The following CCBE1 variants were observed in gnomAD, a reference collection of about 807,000 sequenced individuals.
CCBE1 encodes the protein collagen and calcium-binding EGF domain-containing protein 1.
Under a neutral mutation model 50.0 loss-of-function variants are expected in CCBE1, and 37 were observed. The observed-to-expected ratio is 0.74, with a 90% confidence interval of 0.57 to 0.97. The LOEUF is 0.97. Among genes scored for constraint, CCBE1 ranks in the 50% least tolerant of loss-of-function variants. CCBE1 has a pLI of 0.00. For missense variants in CCBE1, 538 were observed against 523.8 expected, an observed-to-expected ratio of 1.03 and a Z score of -0.26; for synonymous variants, 234 against 203.7, an observed-to-expected ratio of 1.15 and a Z score of -1.27.
chr18:59,677,964 T>C (rs1361193662), intron 2 of CCBE1, among the ~76,000 whole-genome samples: 1 of 152,184 alleles, frequency 6.6e-6, no homozygotes, highest in Non-Finnish European at 1.5e-5. Flanking sequence ...CAACCGGGCT[T>C]AGAGTCAATA....
At chr18:59,549,433 C>T (rs1915833311) in intron 2 of CCBE1, among the ~76,000 whole-genome samples, 1 of 152,240 alleles carries the variant, frequency 6.6e-6, no homozygotes, top group East Asian at 1.9e-4. Flanking sequence ...AACAGGTCCC[C>T]CAACGCCAAC....
chr18:59,630,238 G>A (rs569810963), intron 2 of CCBE1, among the ~76,000 whole-genome samples: 13 of 149,242 alleles, frequency 8.7e-5, no homozygotes, highest in African/African-American at 2.5e-4. Flanking sequence ...CTGGCAGGAG[G>A]AAGATAAATT....
chr18:59,489,323 C>T (rs778414861), intron 2 of CCBE1, among the ~76,000 whole-genome samples: 1 of 152,250 alleles, frequency 6.6e-6, no homozygotes, highest in Non-Finnish European at 1.5e-5. Flanking sequence ...TCAATGTCCT[C>T]AGCAGACACA....
At chr18:59,480,308 T>C in intron 2 of CCBE1, 70 bp from the exon 3 acceptor site, 1 of 1,201,540 alleles carries the variant, frequency 8.3e-7, no homozygotes, top group Non-Finnish European at 1.2e-6. Context: ...GTTATTGTTG[T>C]TTGAATGAAA....
chr18:59,634,530 G>T (rs1439080842), intron 2 of CCBE1, among the ~76,000 whole-genome samples: 1 of 152,092 alleles, frequency 6.6e-6, no homozygotes, highest in Non-Finnish European at 1.5e-5. Context: ...GTTAAATATG[G>T]GTTCCCAATA....
At chr18:59,653,680 T>C (rs771640165) in intron 2 of CCBE1, among the ~76,000 whole-genome samples, 1 of 152,116 alleles carries the variant, frequency 6.6e-6, no homozygotes, top group African/African-American at 2.4e-5. Context: ...TGCCTCCCAA[T>C]AGAGTTAAAA....
At chr18:59,510,798 G>T (rs191736086) in intron 2 of CCBE1, among the ~76,000 whole-genome samples, 2 of 152,242 alleles carry the variant, frequency 1.3e-5, no homozygotes, top group Admixed American at 6.5e-5. Context: ...ATTTTTTCCT[G>T]ATTATTGTAT....
In CCBE1 at chr18:59,452,329, A is replaced by G. The variant is rs537862723; in HGVS notation, c.654+2522T>C. On this transcript the variant is annotated intron_variant, in intron 6 of 10. Coordinates refer to ENST00000439986, the MANE Select transcript of CCBE1 (RefSeq NM_133459.4). Reference sequence around the variant, plus strand: ...ACTGACAGGCCAGGCACAGTGGCTCATGCCTGTAATCCCAGGCCTTTGGGA... The same window carrying G: ...ACTGACAGGCCAGGCACAGTGGCTCGTGCCTGTAATCCCAGGCCTTTGGGA... 4.6e-5 allele frequency among the ~76,000 whole-genome samples: 7 copies of G among 152,346 alleles called. No homozygotes were observed. In the South Asian group the frequency reaches 1.5e-3, roughly 32 times the overall value.
chr18:59,567,699 C>A (rs1406756725), intron 2 of CCBE1, among the ~76,000 whole-genome samples: 1 of 152,124 alleles, frequency 6.6e-6, no homozygotes, highest in Non-Finnish European at 1.5e-5. Context: ...CTACGTTCTG[C>A]CTAAAATTGT....
At chr18:59,592,899 G>C (rs1162179436) in intron 2 of CCBE1, among the ~76,000 whole-genome samples, 1 of 151,980 alleles carries the variant, frequency 6.6e-6, no homozygotes, top group Non-Finnish European at 1.5e-5. Flanking sequence ...CAAATTGTAA[G>C]GGGGGTTTAA....
At chr18:59,460,175 A>G (rs1911393717) in intron 5 of CCBE1, among the ~76,000 whole-genome samples, 1 of 152,318 alleles carries the variant, frequency 6.6e-6, no homozygotes, top group South Asian at 2.1e-4. Flanking sequence ...AGCTTGTCTC[A>G]CTGAGCCTGA....
rs1477589709 is a variant in CCBE1 at position 59,448,011 on chromosome 18, AG to A, written c.746del (p.Pro249LeufsTer150). The A allele has an allele frequency of 3.1e-6, 5 of 1,614,078 alleles. No homozygotes were observed. Among genetic ancestry groups the A allele is most frequent in the Non-Finnish European group, 4.2e-6 (5 of 1,180,038 alleles). ...LASNTYLPGP[P>X]GLPGGQGPPG... ...GAGGGCCCTGGCCCCCAGGCAGGCC[AG>A]GAGGTCCTGGAAGGTAGGTGTTTGA... On this transcript the variant is annotated frameshift_variant, in exon 7 of 11. Coordinates refer to ENST00000439986, the MANE Select transcript of CCBE1 (RefSeq NM_133459.4). LOFTEE classifies it high-confidence loss of function.
At chr18:59,543,852 A>AC (rs1568197055) in intron 2 of CCBE1, among the ~76,000 whole-genome samples, 2 of 149,668 alleles carry the variant, frequency 1.3e-5, no homozygotes, top group African/African-American at 2.5e-5. Flanking sequence ...AAAAAAAAAA[A>AC]AAAAAACAGA....
At chr18:59,437,592 T>G (rs953300109) in intron 10 of CCBE1, among the ~76,000 whole-genome samples, 1 of 152,272 alleles carries the variant, frequency 6.6e-6, no homozygotes, top group African/African-American at 2.4e-5. Context: ...TTTTCTATGC[T>G]TTTGAATACT....
intron 2 of CCBE1, among the ~76,000 whole-genome samples, chr18:59,525,788 C>T (rs1472065920): frequency 1.3e-5 from 2 of 152,040 alleles, no homozygotes; most frequent in African/African-American, 2.4e-5. Flanking sequence ...ATGAAGGGGT[C>T]CAGTTTCGAT....
At chr18:59,514,335 CCT>C (rs1314918924) in intron 2 of CCBE1, among the ~76,000 whole-genome samples, 1 of 151,876 alleles carries the variant, frequency 6.6e-6, no homozygotes, top group African/African-American at 2.4e-5. Context: ...TGGTAGCGCC[CCT>C]GACACGGCTC....
intron 2 of CCBE1, among the ~76,000 whole-genome samples, chr18:59,617,646 T>C (rs987798715): frequency 5.9e-5 from 9 of 152,218 alleles, no homozygotes; most frequent in Admixed American, 2.6e-4. Flanking sequence ...CCCCTGCCGC[T>C]CTGGCTGGCC....
intron 2 of CCBE1, among the ~76,000 whole-genome samples, chr18:59,692,494 C>T (rs2054745856): frequency 6.6e-6 from 1 of 152,118 alleles, no homozygotes; most frequent in Non-Finnish European, 1.5e-5. Context: ...CACTCCCCCG[C>T]CATGGGAACT....
At chr18:59,456,623 C>A (rs1459698634) in intron 5 of CCBE1, among the ~76,000 whole-genome samples, 2 of 152,176 alleles carry the variant, frequency 1.3e-5, no homozygotes, top group Admixed American at 1.3e-4. Context: ...AGACCAGAAA[C>A]AAATTTCTGT....
Sources: allele counts gnomAD v4.1 joint callset (sites outside exome capture counted in the v4.1 genomes callset), GRCh38; gene constraint gnomAD v4.1.1; transcripts MANE v1.5; gene names NCBI Gene and HGNC (gene_info 2026-07-23, HGNC 2026-07-21).